LRBA: variants seen among roughly 807,000 people sequenced by gnomAD.
LRBA encodes LPS responsive beige-like anchor protein.
Under a neutral mutation model 330.0 loss-of-function variants are expected in LRBA, and 176 were observed. The ratio of observed to expected loss-of-function variants is 0.53; its 90% CI spans 0.47 to 0.60. The LOEUF (loss-of-function observed/expected upper bound fraction) is 0.60, where lower values mean the gene tolerates loss of function less well. Among genes scored for constraint, LRBA ranks in the 20% least tolerant of loss-of-function variants. The probability of loss-of-function intolerance (pLI) is 0.00; values close to 1 mark genes in which losing one functional copy is unlikely to be tolerated. For synonymous variants in LRBA, 1,230 were observed against 1,193.0 expected, an observed-to-expected ratio of 1.03 and a Z score of -0.64; for missense variants, 3,259 against 3,444.8, an observed-to-expected ratio of 0.95 and a Z score of 1.35.
At chr4:150,622,078 T>C (rs1776350449) in intron 37 of LRBA, among the ~76,000 whole-genome samples, 1 of 152,198 alleles carries the variant, frequency 6.6e-6, no homozygotes, top group African/African-American at 2.4e-5. Flanking sequence ...TTCTTTACCC[T>C]GTTGAATGTC....
intron 4 of LRBA, among the ~76,000 whole-genome samples, chr4:150,922,204 C>T (rs923662100): frequency 6.6e-6 from 1 of 152,018 alleles, no homozygotes; most frequent in Non-Finnish European, 1.5e-5. Flanking sequence ...ATCCCCCACC[C>T]ACCCTTCTTT....
intron 22 of LRBA, among the ~76,000 whole-genome samples, chr4:150,862,711 G>A (rs76142287): frequency 0.034 from 5,059 of 148,828 alleles, 187 homozygotes; most frequent in East Asian, 0.18. Context: ...GTGCAGTCAC[G>A]CACGCCTGTA....
At chr4:150,701,869 G>C (rs1474813623) in intron 36 of LRBA, among the ~76,000 whole-genome samples, 1 of 152,108 alleles carries the variant, frequency 6.6e-6, no homozygotes, top group African/African-American at 2.4e-5. Context: ...GGAGGAATGT[G>C]GGAAGAGAAA....
chr4:150,772,460 G>A (rs1053783056), intron 34 of LRBA, among the ~76,000 whole-genome samples: 12 of 152,138 alleles, frequency 7.9e-5, no homozygotes, highest in Non-Finnish European at 1.2e-4. Context: ...ACATCACTTC[G>A]ATTTGATGAC....
intron 47 of LRBA, among the ~76,000 whole-genome samples, chr4:150,390,550 A>G (rs1743771455): frequency 6.6e-6 from 1 of 152,152 alleles, no homozygotes; most frequent in African/African-American, 2.4e-5. Flanking sequence ...TTCCCTTGAC[A>G]CATATTTCTT....
intron 46 of LRBA, among the ~76,000 whole-genome samples, chr4:150,428,950 T>C (rs957479020): frequency 5.9e-5 from 9 of 152,170 alleles, no homozygotes; most frequent in Non-Finnish European, 1.5e-5. Flanking sequence ...TTCATCACAT[T>C]ATTAATTCAA....
intron 40 of LRBA, among the ~76,000 whole-genome samples, chr4:150,562,833 T>A (rs1288098926): frequency 6.6e-6 from 1 of 151,994 alleles, no homozygotes; most frequent in East Asian, 1.9e-4. Flanking sequence ...GGGGTCTTGC[T>A]CTGTTGACCA....
intron 44 of LRBA, 24 bp from the exon 45 acceptor site, chr4:150,436,888 AAAG>A (rs781404519): frequency 6.2e-7 from 1 of 1,608,464 alleles, no homozygotes; most frequent in South Asian, 1.1e-5. Context: ...GGGAAAAAAC[AAAG>A]AATACATCAA....
chr4:150,443,874 T>TATATATACA (rs1561185911), intron 44 of LRBA, among the ~76,000 whole-genome samples: 1 of 28,050 alleles, frequency 3.6e-5, no homozygotes, highest in Non-Finnish European at 8.0e-5. Context: ...ATATATATAT[T>TATATATACA]TTTTTTTTTT....
intron 53 of LRBA, among the ~76,000 whole-genome samples, chr4:150,290,544 A>G (rs1216325249): frequency 6.6e-6 from 1 of 152,182 alleles, no homozygotes; most frequent in Non-Finnish European, 1.5e-5. Flanking sequence ...CTGCTAGTTT[A>G]AGGGACTACA....
intron 33 of LRBA, among the ~76,000 whole-genome samples, chr4:150,801,234 A>G (rs1320354802): frequency 6.6e-6 from 1 of 152,224 alleles, no homozygotes; most frequent in Non-Finnish European, 1.5e-5. Context: ...GTATATACAT[A>G]TACTCCAAAT....
At chr4:150,464,937 C>T (rs1001689737) in intron 44 of LRBA, among the ~76,000 whole-genome samples, 6 of 151,940 alleles carry the variant, frequency 3.9e-5, no homozygotes, top group Non-Finnish European at 5.9e-5. Flanking sequence ...ACGTACAGTT[C>T]GGTAGTATTA....
At chr4:150,304,121 T>C (rs1173093570) in intron 52 of LRBA, among the ~76,000 whole-genome samples, 2 of 152,130 alleles carry the variant, frequency 1.3e-5, no homozygotes, top group African/African-American at 4.8e-5. Flanking sequence ...ATAATTCCGA[T>C]GTTCAAGAAA....
intron 22 of LRBA, among the ~76,000 whole-genome samples, chr4:150,860,128 C>T (rs1225976751): frequency 6.6e-6 from 1 of 152,056 alleles, no homozygotes; most frequent in African/African-American, 2.4e-5. Flanking sequence ...AACTTAACAG[C>T]ATTCAAATAA....
At chr4:150,805,557 AAAGG>A (rs1742615970) in intron 33 of LRBA, among the ~76,000 whole-genome samples, 1 of 78,954 alleles carries the variant, frequency 1.3e-5, no homozygotes, top group Non-Finnish European at 2.5e-5. Context: ...AAAGGAAAGG[AAAGG>A]AAAGGAAAGG....
At chr4:150,694,542 A>G (rs975337475) in intron 36 of LRBA, among the ~76,000 whole-genome samples, 10 of 150,728 alleles carry the variant, frequency 6.6e-5, no homozygotes, top group Admixed American at 6.6e-4. Context: ...GAAAATCTCA[A>G]CAGCAAACAA....
At chr4:150,402,152 G>A (rs1489376437) in intron 47 of LRBA, among the ~76,000 whole-genome samples, 1 of 149,780 alleles carries the variant, frequency 6.7e-6, no homozygotes, top group Non-Finnish European at 1.5e-5. Flanking sequence ...AAAATTCTGT[G>A]TGCTATTTTT....
At chr4:150,432,207 A>G (rs1173155612) in intron 46 of LRBA, among the ~76,000 whole-genome samples, 1 of 152,082 alleles carries the variant, frequency 6.6e-6, no homozygotes, top group Non-Finnish European at 1.5e-5. Flanking sequence ...TACAGAATGT[A>G]TACTATATTA....
chr4:150,961,675 G>A lies in LRBA; in HGVS notation c.217-32610C>T, dbSNP rs1264198390. On this transcript the variant is annotated intron_variant, in intron 2 of 56. Coordinates refer to ENST00000651943, the MANE Select transcript of LRBA (RefSeq NM_001364905.1). ...GGAATAGCCAGGAAGCTGTGAAAAA[G>A]AAGTGCAACAATGGGAAGCTAGCTC... 2.0e-5 allele frequency among the ~76,000 whole-genome samples: 3 copies of A among 148,678 alleles called. No homozygotes were observed. The East Asian group carries it at 5.8e-4, about 29-fold the overall frequency.
Sources: allele counts gnomAD v4.1 joint callset (sites outside exome capture counted in the v4.1 genomes callset), GRCh38; gene constraint gnomAD v4.1.1; transcripts MANE v1.5; gene names NCBI Gene and HGNC (gene_info 2026-07-23, HGNC 2026-07-21).